The following KIAA0513 variants were observed in gnomAD, a reference collection of about 807,000 sequenced individuals.
KIAA0513 encodes the protein uncharacterized protein KIAA0513.
A neutral mutation model predicts 56.5 loss-of-function variants in KIAA0513; 39 were observed. The ratio of observed to expected loss-of-function variants is 0.69; its 90% CI spans 0.53 to 0.90. KIAA0513 has a LOEUF of 0.90. Among genes scored for constraint, KIAA0513 ranks in the 40% least tolerant of loss-of-function variants. KIAA0513 has a pLI of 0.00. For missense variants in KIAA0513, 591 were observed against 535.2 expected, an observed-to-expected ratio of 1.10 and a Z score of -1.03; for synonymous variants, 268 against 215.6, an observed-to-expected ratio of 1.24 and a Z score of -2.13.
At chr16:85,073,168 C>T (rs2073604634) in intron 4 of KIAA0513, among the ~76,000 whole-genome samples, 170 bp downstream of exon 4, 1 of 152,198 alleles carries the variant, frequency 6.6e-6, no homozygotes, top group Non-Finnish European at 1.5e-5. Flanking sequence ...ACAGTCGTGA[C>T]CTCCATCTCG....
intron 2 of KIAA0513, among the ~76,000 whole-genome samples, chr16:85,068,816 C>T (rs1290754457): frequency 6.6e-6 from 1 of 152,154 alleles, no homozygotes; most frequent in East Asian, 1.9e-4. Context: ...CTTTCTTTTC[C>T]CTCCGCCAAC....
chr16:85,030,885 G>A (rs1021996080), intron 1 of KIAA0513, among the ~76,000 whole-genome samples: 2 of 152,086 alleles, frequency 1.3e-5, no homozygotes, highest in Admixed American at 6.6e-5. Flanking sequence ...TAAATGTTTC[G>A]GCAAGTCAGT....
chr16:85,087,271 C>G, intron 12 of KIAA0513, 105 bp downstream of exon 12: 2 of 895,688 alleles, frequency 2.2e-6, no homozygotes, highest in Non-Finnish European at 3.7e-6. Flanking sequence ...TGTCGTGTTG[C>G]AGTCGGAAAC....
At chr16:85,064,289 A>ATC (rs2073448156) in intron 1 of KIAA0513, among the ~76,000 whole-genome samples, 1 of 152,106 alleles carries the variant, frequency 6.6e-6, no homozygotes, top group Non-Finnish European at 1.5e-5. Context: ...TACGGGAGTG[A>ATC]GCCACCGTGC....
intron 1 of KIAA0513, among the ~76,000 whole-genome samples, chr16:85,042,573 A>G (rs533604300): frequency 4.1e-4 from 62 of 152,324 alleles, no homozygotes; most frequent in African/African-American, 1.5e-3. Context: ...TTCTTCCTCC[A>G]TAAAGTGGGG....
At position 85,066,913 on chromosome 16, in the gene KIAA0513, A is replaced by G. The variant is rs539013944; in HGVS notation, c.-159A>G. 96 of 561,654 alleles carry G rather than the reference A, an allele frequency of 1.7e-4. No homozygotes were observed. Among genetic ancestry groups the G allele is most frequent in the Admixed American group, 3.8e-4 (11 of 29,274 alleles). 34.8% of individuals were successfully genotyped at this position (561,654 alleles called of 1,614,324 possible). ...TTTCCATTCTAGATGCCGTAGGGCCAGGTGAGCTGCTGTGAAGGACTCATT... is the reference window on the plus strand; with the variant it reads ...TTTCCATTCTAGATGCCGTAGGGCCGGGTGAGCTGCTGTGAAGGACTCATT... On this transcript the variant is annotated 5_prime_UTR_variant, in exon 2 of 13. Transcript: ENST00000683363.
At chr16:85,065,939 G>T (rs1163566228) in intron 1 of KIAA0513, among the ~76,000 whole-genome samples, 1 of 152,166 alleles carries the variant, frequency 6.6e-6, no homozygotes, top group Non-Finnish European at 1.5e-5. Context: ...TTCACAATCC[G>T]GTCTGTTCCT....
chr16:85,072,880 G>T (rs1449042041), intron 3 of KIAA0513, 45 bp from the exon 4 acceptor site: 1 of 1,580,940 alleles, frequency 6.3e-7, no homozygotes, highest in Non-Finnish European at 8.7e-7. Flanking sequence ...AGTGCTGCGT[G>T]TGTCGCCCTG....
rs1282398223 is a variant in KIAA0513, at chr16:85,089,940, G to A, written c.*1615G>A. 3 of 152,104 alleles carry A rather than the reference G, an allele frequency of 2.0e-5. No homozygotes were observed. Among genetic ancestry groups the A allele is most frequent in the African/African-American group, 7.2e-5 (3 of 41,424 alleles). The allele number at this position is 152,104 out of a possible 1,614,324, so 9.4% of individuals were successfully genotyped here. Reference sequence around the variant, plus strand: ...ACCATATGCTGCCAGACTGCAGAACGGGGGAGCCGGGGCTCAGGGCCCCTG... The same window carrying A: ...ACCATATGCTGCCAGACTGCAGAACAGGGGAGCCGGGGCTCAGGGCCCCTG... On this transcript the variant is annotated 3_prime_UTR_variant, in exon 13 of 13. Coordinates refer to ENST00000683363, the MANE Select transcript of KIAA0513 (RefSeq NM_001388359.1). This position sits in a 1 kb window ranked among gnomAD's most constrained non-coding sequence, Gnocchi z 4.2.
Position 85,027,829 on chromosome 16 carries a change from G to C in KIAA0513, c.-202G>C, listed in dbSNP as rs2072908587. On this transcript the variant is annotated 5_prime_UTR_variant, in exon 1 of 13. Transcript: ENST00000683363. ...GCAGCAGCCGAGTCTGACGGCGCCG[G>C]TTCGCTGCCCGGTCCGCCCGCGGTG... 1 of 152,152 alleles carries C rather than the reference G, an allele frequency of 6.6e-6. No individual in the cohort carries two copies. The highest frequency in any genetic ancestry group is 2.4e-5 in the African/African-American group (1 of 41,448). The allele number at this position is 152,152 out of a possible 1,614,324, so 9.4% of individuals were successfully genotyped here. A position where few individuals can be genotyped will look rare whatever the true frequency, so the allele number is the denominator to read the frequency against.
Position 85,052,855 on chromosome 16 carries a change from C to T in KIAA0513, c.-172-14045C>T, listed in dbSNP as rs530091610. On this transcript the variant is annotated intron_variant, in intron 1 of 12. Coordinates refer to ENST00000683363, the MANE Select transcript of KIAA0513 (RefSeq NM_001388359.1). ...CAAGCAGTGAGCTGCCTCTCAGTAT[C>T]GTGCTTGTGTAACTTCGGATCAAAT... 1.5e-4 allele frequency among the ~76,000 whole-genome samples: 23 copies of T among 152,234 alleles called. 1 individual carries two copies. The East Asian group carries it at 3.7e-3, about 24-fold the overall frequency.
intron 2 of KIAA0513, among the ~76,000 whole-genome samples, chr16:85,067,965 C>G (rs1282563698): frequency 6.6e-6 from 1 of 151,950 alleles, no homozygotes; most frequent in Non-Finnish European, 1.5e-5. Context: ...CACCCACCAC[C>G]ACGCTTGGCT....
intron 1 of KIAA0513, among the ~76,000 whole-genome samples, chr16:85,058,923 A>G (rs898381140): frequency 2.0e-5 from 3 of 152,168 alleles, no homozygotes; most frequent in African/African-American, 7.2e-5. Context: ...AAGAAACTCA[A>G]CTAAATCTAC....
At chr16:85,050,695 C>A (rs528874709) in intron 1 of KIAA0513, among the ~76,000 whole-genome samples, 27 of 152,290 alleles carry the variant, frequency 1.8e-4, no homozygotes, top group African/African-American at 6.5e-4. Context: ...TTGTTTTCCG[C>A]AGTGTGGTAG....
rs187635050 is a variant in KIAA0513 at position 85,064,295 on chromosome 16, C to T, written c.-172-2605C>T. Among the ~76,000 whole-genome samples, 4 of 152,216 alleles carry T rather than the reference C, an allele frequency of 2.6e-5. No individual in the cohort carries two copies. The East Asian group carries it at 7.7e-4, about 29-fold the overall frequency. ...TGTTGGGATTACGGGAGTGAGCCAC[C>T]GTGCCTGGCCCGTTTTACTATATTT... On this transcript the variant is annotated intron_variant, in intron 1 of 12. Coordinates refer to ENST00000683363, the MANE Select transcript of KIAA0513 (RefSeq NM_001388359.1).
Position 85,076,730 on chromosome 16 carries a change from C to T in KIAA0513, c.575-695C>T, listed in dbSNP as rs987718034. On this transcript the variant is annotated intron_variant, in intron 5 of 12. Coordinates refer to ENST00000683363, the MANE Select transcript of KIAA0513 (RefSeq NM_001388359.1). The surrounding 1 kb of genome is among the most constrained non-coding windows in gnomAD (Gnocchi z 4.7). Reference sequence around the variant, plus strand: ...CAGCCTCACCAGTGGGCAGGCCCTTCCTGCCAGGCCACACGTCGGCTGCTT... The same window carrying T: ...CAGCCTCACCAGTGGGCAGGCCCTTTCTGCCAGGCCACACGTCGGCTGCTT... Among the ~76,000 whole-genome samples, 2 of 152,192 alleles carry T rather than the reference C, an allele frequency of 1.3e-5. No individual in the cohort carries two copies. The highest frequency in any genetic ancestry group is 1.3e-4 in the Admixed American group (2 of 15,280).
rs866304391 is a variant in KIAA0513, at chr16:85,030,536, C to G, written c.-173+2678C>G. The stretch of plus-strand genomic sequence containing the variant: ...CCGAGGCAGGTGGATCACCTGAGGT[C>G]AGGAGTTCGAGACCAGCTTGGGCAA... On this transcript the variant is annotated intron_variant, in intron 1 of 12. Coordinates refer to ENST00000683363, the MANE Select transcript of KIAA0513 (RefSeq NM_001388359.1). Among the ~76,000 whole-genome samples, 10 of 152,040 alleles carry G rather than the reference C, an allele frequency of 6.6e-5. 1 individual carries two copies. The South Asian group carries it at 2.1e-3, about 32-fold the overall frequency.
Position 85,077,424 on chromosome 16 carries a change from G to C in KIAA0513, c.575-1G>C, listed in dbSNP as rs1267837360. The C allele has an allele frequency of 6.2e-7, 1 of 1,613,812 alleles. No individual in the cohort carries two copies. Among genetic ancestry groups the C allele is most frequent in the South Asian group, 1.1e-5 (1 of 91,026 alleles). On this transcript the variant is annotated splice_acceptor_variant, in intron 5 of 12. Coordinates refer to ENST00000683363, the MANE Select transcript of KIAA0513 (RefSeq NM_001388359.1). LOFTEE classifies it high-confidence loss of function. ...TCGTCTTGTTCCCTCTCTCATCCAA[G>C]GAAAACCACAGCTGCTGCCCCCGGA... is the stretch of plus-strand genomic sequence containing the variant.
intron 1 of KIAA0513, chr16:85,063,530 T>G (rs756589606): frequency 6.6e-6 from 1 of 152,296 alleles, no homozygotes; most frequent in South Asian, 2.1e-4. Context: ...CCTCCCAAAG[T>G]GTTGGGATTA....
Sources: gnomAD v4.1 joint callset for allele counts (sites outside exome capture counted in the v4.1 genomes callset) on GRCh38, gnomAD v4.1.1 for gene constraint, Gnocchi (gnomAD v3.1) non-coding constraint, MANE v1.5 for transcripts, NCBI Gene and HGNC (gene_info 2026-07-23, HGNC 2026-07-21) for gene names.